PKHD1: variants seen among roughly 807,000 people sequenced by gnomAD.
The protein encoded by PKHD1 is PKHD1 ciliary IPT domain containing fibrocystin/polyductin.
In PKHD1, 291 loss-of-function variants were observed where a neutral mutation model predicts 412.0. The observed-to-expected ratio is 0.71, with a 90% confidence interval of 0.64 to 0.78. PKHD1 has a LOEUF of 0.78. PKHD1 is among the 30% of genes least tolerant of loss of function. The probability of loss-of-function intolerance (pLI) is 0.00; values close to 1 mark genes in which losing one functional copy is unlikely to be tolerated. For synonymous variants in PKHD1, 1,777 were observed against 1,821.5 expected, an observed-to-expected ratio of 0.98 and a Z score of 0.62; for missense variants, 4,825 against 4,950.7, an observed-to-expected ratio of 0.97 and a Z score of 0.76.
chr6:51,659,419 A>G lies in PKHD1; in HGVS notation c.10707T>C (p.Val3569=), dbSNP rs1199837653. ...TTTCCCAGCCTTTTTCTAAGACTGA[A>G]ACCATCACAGTGAGGGCCAAGTGAA... is the stretch of plus-strand genomic sequence containing the variant. ...VSIHLALTVM[V]SVLEKGWEIV... The change falls in exon 61 of 67, where the codon GTT becomes GTC. Residue 3569 remains valine (V), a synonymous_variant. Transcript: ENST00000371117. 1 of 1,613,572 alleles carries G rather than the reference A, an allele frequency of 6.2e-7. No homozygotes were observed. The highest frequency in any genetic ancestry group is 2.2e-5 in the East Asian group (1 of 44,846).
intron 36 of PKHD1, among the ~76,000 whole-genome samples, chr6:51,956,689 A>C (rs532301543): frequency 6.6e-6 from 1 of 152,202 alleles, no homozygotes; most frequent in East Asian, 1.9e-4. Flanking sequence ...GGGTGGCTGT[A>C]ATTTTAGAAA....
chr6:51,763,817 T>C (rs1461849053), intron 55 of PKHD1, among the ~76,000 whole-genome samples: 1 of 152,060 alleles, frequency 6.6e-6, no homozygotes, highest in Non-Finnish European at 1.5e-5. Context: ...TATCAAGCTC[T>C]CCTGCTGTCT....
chr6:51,950,220 A>AAAAAAAATAT, intron 36 of PKHD1, among the ~76,000 whole-genome samples: 30 of 98,296 alleles, frequency 3.1e-4, no homozygotes, highest in South Asian at 1.7e-3. Flanking sequence ...GAAAAAAAAA[A>AAAAAAAATAT]ATATATATAT....
chr6:51,845,840 G>C (rs1771054794), intron 50 of PKHD1, among the ~76,000 whole-genome samples: 1 of 151,950 alleles, frequency 6.6e-6, no homozygotes, highest in South Asian at 2.1e-4. Context: ...TACCATAAAT[G>C]GTTTTTATTA....
chr6:51,673,746 G>T (rs1356173948), intron 60 of PKHD1, among the ~76,000 whole-genome samples: 1 of 152,146 alleles, frequency 6.6e-6, no homozygotes, highest in African/African-American at 2.4e-5. Context: ...TAGGACATGG[G>T]AGCAGCATGG....
At chr6:51,653,519 C>G (rs988453655) in intron 61 of PKHD1, among the ~76,000 whole-genome samples, 1 of 152,108 alleles carries the variant, frequency 6.6e-6, no homozygotes, top group Non-Finnish European at 1.5e-5. Flanking sequence ...TCTTTGCCTT[C>G]AACTTCACAT....
chr6:51,703,571 A>C (rs1310852584), intron 60 of PKHD1, among the ~76,000 whole-genome samples: 1 of 151,990 alleles, frequency 6.6e-6, no homozygotes, highest in Non-Finnish European at 1.5e-5. Context: ...GAGGGGAATA[A>C]CTATAATTTT....
At chr6:51,848,580 C>A (rs1278002774) in intron 49 of PKHD1, among the ~76,000 whole-genome samples, 1 of 152,148 alleles carries the variant, frequency 6.6e-6, no homozygotes, top group Non-Finnish European at 1.5e-5. Context: ...CCTAGGGTAT[C>A]CACCTCCAGA....
intron 43 of PKHD1, among the ~76,000 whole-genome samples, chr6:51,900,460 C>G (rs886727277): frequency 6.6e-6 from 1 of 152,178 alleles, no homozygotes; most frequent in African/African-American, 2.4e-5. Flanking sequence ...GGAAAATTGG[C>G]TAGCCATATG....
intron 60 of PKHD1, chr6:51,682,334 C>A (rs1776800474): frequency 2.4e-6 from 1 of 422,402 alleles, no homozygotes; most frequent in East Asian, 7.1e-5. Flanking sequence ...TTTCTAATAC[C>A]TGAGCATCAG....
At chr6:51,915,014 A>G (rs991875097) in intron 37 of PKHD1, among the ~76,000 whole-genome samples, 6 of 152,078 alleles carry the variant, frequency 3.9e-5, no homozygotes, top group Admixed American at 1.3e-4. Flanking sequence ...GGCATTCCCA[A>G]GTATGTCTGG....
chr6:51,721,293 T>C, intron 60 of PKHD1: 1 of 886,042 alleles, frequency 1.1e-6, no homozygotes, highest in Non-Finnish European at 1.4e-6. Context: ...ATGTTCTTTC[T>C]TTACCAATAT....
chr6:51,896,043 A>C (rs1391724220), intron 43 of PKHD1, among the ~76,000 whole-genome samples: 2 of 152,160 alleles, frequency 1.3e-5, no homozygotes, highest in African/African-American at 4.8e-5. Flanking sequence ...GCTGATTGCT[A>C]GCACAGCAGT....
chr6:51,654,495 C>T (rs1001196696), intron 61 of PKHD1, among the ~76,000 whole-genome samples: 6 of 151,930 alleles, frequency 3.9e-5, no homozygotes, highest in African/African-American at 1.4e-4. Flanking sequence ...ATTATATTTA[C>T]CTATGAGTTC....
At chr6:51,661,254 G>T (rs1243976223) in intron 60 of PKHD1, among the ~76,000 whole-genome samples, 1 of 151,892 alleles carries the variant, frequency 6.6e-6, no homozygotes, top group Non-Finnish European at 1.5e-5. Flanking sequence ...ATATAGATTA[G>T]ATATAGATAT....
intron 35 of PKHD1, among the ~76,000 whole-genome samples, chr6:51,962,633 T>C (rs1792231970): frequency 6.6e-6 from 1 of 152,066 alleles, no homozygotes. Flanking sequence ...TCAAAGTTCA[T>C]AGTGATGGAG....
chr6:52,048,707 A>G, intron 22 of PKHD1, 88 bp from the exon 23 acceptor site: 1 of 1,519,416 alleles, frequency 6.6e-7, no homozygotes, highest in Non-Finnish European at 9.0e-7. Flanking sequence ...TGTCTTGCTT[A>G]GGCTGCAGCC....
chr6:51,647,065 C>A (rs1456715510), intron 63 of PKHD1, among the ~76,000 whole-genome samples: 1 of 152,192 alleles, frequency 6.6e-6, no homozygotes, highest in African/African-American at 2.4e-5. Context: ...TTCCCTTGAT[C>A]TCCCTTAGTT....
chr6:51,667,779 C>T (rs1489229831), intron 60 of PKHD1, among the ~76,000 whole-genome samples: 1 of 149,392 alleles, frequency 6.7e-6, no homozygotes, highest in East Asian at 2.0e-4. Context: ...GCCAGTTTTC[C>T]CAGCACCATT....
Sources: allele counts gnomAD v4.1 joint callset (sites outside exome capture counted in the v4.1 genomes callset), GRCh38; gene constraint gnomAD v4.1.1; transcripts MANE v1.5; gene names NCBI Gene and HGNC (gene_info 2026-07-23, HGNC 2026-07-21).